The following S100A16 variants were observed in gnomAD, a reference collection of about 807,000 sequenced individuals.
S100A16 encodes the protein S100 calcium binding protein A16.
In S100A16, 8 loss-of-function variants were observed where a neutral mutation model predicts 9.0. That is an observed-to-expected ratio of 0.89 (90% CI 0.52 to 1.60). S100A16 has a LOEUF of 1.60. Ranked by LOEUF, S100A16 falls within the 40% of genes most tolerant of loss-of-function variation. S100A16 has a pLI of 0.00. For synonymous variants in S100A16, 51 were observed against 51.4 expected, an observed-to-expected ratio of 0.99 and a Z score of 0.04; for missense variants, 138 against 132.4, an observed-to-expected ratio of 1.04 and a Z score of -0.21.
chr1:153,608,593 A>G (rs1022407691), intron 1 of S100A16, among the ~76,000 whole-genome samples: 1 of 151,884 alleles, frequency 6.6e-6, no homozygotes, highest in African/African-American at 2.4e-5. Context: ...GGGATGAGCC[A>G]TGGAGGTTAG....
In S100A16 at chr1:153,607,098, CTG is replaced by C; in HGVS notation, c.*434_*435del. 2.3e-6 allele frequency: 1 copy of C among 440,144 alleles called. No individual in the cohort carries two copies. Among genetic ancestry groups the C allele is most frequent in the Non-Finnish European group, 4.5e-6 (1 of 220,152 alleles). The allele number at this position is 440,144 out of a possible 1,614,324, so 27.3% of individuals were successfully genotyped here. ...CTAAGGGAAAGTGGAGAGGTCTCTGCTGCTGCTGCTGCTGCTGCTGCTGCTGT... is the reference window on the plus strand; with the variant it reads ...CTAAGGGAAAGTGGAGAGGTCTCTGCCTGCTGCTGCTGCTGCTGCTGCTGT... On this transcript the variant is annotated 3_prime_UTR_variant, in exon 3 of 3. Transcript: ENST00000368706.
At position 153,607,149 on chromosome 1, in the gene S100A16, G is replaced by T; in HGVS notation, c.*385C>A. The T allele has an allele frequency of 2.2e-6, 1 of 452,054 alleles. No individual in the cohort carries two copies. The allele number at this position is 452,054 out of a possible 1,614,324, so 28.0% of individuals were successfully genotyped here. On this transcript the variant is annotated 3_prime_UTR_variant, in exon 3 of 3. Transcript: ENST00000368706. ...GTTGCTGCTACCACTGCCACCAAGA[G>T]CAGGGAGACCTCAAGCACCAAGCTG...
At chr1:153,610,273 T>G (rs1238100382) in intron 1 of S100A16, among the ~76,000 whole-genome samples, 1 of 152,118 alleles carries the variant, frequency 6.6e-6, no homozygotes, top group Non-Finnish European at 1.5e-5. Context: ...GGGAAGATAA[T>G]TCAGAGAAAC....
intron 1 of S100A16, among the ~76,000 whole-genome samples, chr1:153,608,645 C>A (rs1321144851): frequency 6.6e-6 from 1 of 152,120 alleles, no homozygotes; most frequent in East Asian, 1.9e-4. Context: ...CTGGCTGAGA[C>A]CCCAGCCCCA....
At chr1:153,611,079 A>G (rs1666825189) in intron 1 of S100A16, among the ~76,000 whole-genome samples, 1 of 150,762 alleles carries the variant, frequency 6.6e-6, no homozygotes. Flanking sequence ...GCCCTACCCC[A>G]ATGTTCTCAT....
In S100A16 at chr1:153,607,005, G is replaced by A. The variant is rs2101505993; in HGVS notation, c.*529C>T. 3.4e-6 allele frequency: 1 copy of A among 298,154 alleles called. No individual in the cohort carries two copies. The highest frequency in any genetic ancestry group is 6.7e-6 in the Non-Finnish European group (1 of 148,598). 18.5% of individuals were successfully genotyped at this position (298,154 alleles called of 1,614,324 possible). On this transcript the variant is annotated 3_prime_UTR_variant, in exon 3 of 3. Transcript: ENST00000368706. ...ACAGGAGGAGGCTCAGCCTTGCTTA[G>A]CTCATTCCCAGATGAAGAGGCAGCT...
intron 2 of S100A16, 124 bp downstream of exon 2, chr1:153,607,875 C>A (rs1298778157): frequency 1.6e-6 from 2 of 1,213,992 alleles, no homozygotes; most frequent in Non-Finnish European, 2.3e-6. Context: ...TGTAGAAGAC[C>A]CTGGAGTTAG....
rs1571266230 is a variant in S100A16 at position 153,607,389 on chromosome 1, C to T, written c.*145G>A. ...TAGACTGAGACACTCACAAAGGGAC[C>T]CCAGTTCAGCAAGGGTCAGAGGAAG... On this transcript the variant is annotated 3_prime_UTR_variant, in exon 3 of 3. Transcript: ENST00000368706. The T allele has an allele frequency of 1.1e-6, 1 of 916,368 alleles. No individual in the cohort carries two copies. Among genetic ancestry groups the T allele is most frequent in the Non-Finnish European group, 1.7e-6 (1 of 605,188 alleles). The allele number at this position is 916,368 out of a possible 1,614,324, so 56.8% of individuals were successfully genotyped here. A position where few individuals can be genotyped will look rare whatever the true frequency, so the allele number is the denominator to read the frequency against.
At chr1:153,610,248 C>T (rs557845510) in intron 1 of S100A16, among the ~76,000 whole-genome samples, 5 of 152,170 alleles carry the variant, frequency 3.3e-5, no homozygotes, top group African/African-American at 1.2e-4. Context: ...CCACTCCCAA[C>T]CAAGACTTGG....
chr1:153,609,614 G>A (rs147888934), intron 1 of S100A16, among the ~76,000 whole-genome samples: 16 of 152,258 alleles, frequency 1.1e-4, no homozygotes, highest in Admixed American at 5.9e-4. Context: ...ACCAAGCGGC[G>A]GGACTCAGAC....
intron 1 of S100A16, among the ~76,000 whole-genome samples, chr1:153,610,922 G>A (rs982775787): frequency 2.0e-5 from 3 of 151,912 alleles, no homozygotes; most frequent in Non-Finnish European, 4.4e-5. Context: ...CCGCTTCCTA[G>A]AAAGGTCAAG....
chr1:153,608,071 G>A lies in S100A16; in HGVS notation c.81C>T (p.Ser27=). Residue 27 remains serine, a synonymous_variant, in exon 2 of 3, where the codon AGC becomes AGT. Coordinates refer to ENST00000368706, the MANE Select transcript of S100A16 (RefSeq NM_080388.3). The part of the protein sequence containing the change: ...ENFYKYVSKY[S]LVKNKISKSS... The stretch of plus-strand genomic sequence containing the variant: ...TCTTGCTGATCTTGTTCTTGACCAG[G>A]CTGTACTTAGACACATATTTGTAGA... 6.2e-7 allele frequency: 1 copy of A among 1,614,052 alleles called. No homozygotes were observed.
At chr1:153,608,342 C>G (rs979767540) in intron 1 of S100A16, 165 bp from the exon 2 acceptor site, 4 of 619,174 alleles carry the variant, frequency 6.5e-6, no homozygotes, top group Non-Finnish European at 1.1e-5. Flanking sequence ...GAGAGTGAGC[C>G]CTGGAATGAG....
intron 1 of S100A16, chr1:153,608,422 C>T (rs1666752183): frequency 2.2e-6 from 1 of 452,954 alleles, no homozygotes. Context: ...AGGCCCTGCC[C>T]CAGCCCCAGG....
chr1:153,609,383 A>G (rs1666784812), intron 1 of S100A16: 1 of 985,684 alleles, frequency 1.0e-6, no homozygotes, highest in Admixed American at 6.2e-5. Context: ...CAGCCTGCCA[A>G]TCACTCTCGC....
At position 153,607,691 on chromosome 1, in the gene S100A16, T is replaced by C. The variant is rs1250459099; in HGVS notation, c.155A>G (p.Asp52Gly). Residue 52 changes from aspartate (D) to glycine (G), a missense_variant and splice_region_variant, in exon 3 of 3, where the codon GAC becomes GGC. Physicochemically the swap from Asp to Gly is moderately conservative, Grantham distance 94 (BLOSUM62 -1). Coordinates refer to ENST00000368706, the MANE Select transcript of S100A16 (RefSeq NM_080388.3). ...LQKELNHMLS[D>G]TGNRKAADKL... ...ATCCGCAGCCTTCCGGTTCCCTGTG[T>C]CCTGGGGAGGAAGCAGGGTCAGCAA... The C allele has an allele frequency of 6.8e-6, 11 of 1,614,010 alleles. No individual in the cohort carries two copies. Among genetic ancestry groups the C allele is most frequent in the Non-Finnish European group, 9.3e-6 (11 of 1,179,996 alleles).
rs749554743 is a variant in S100A16 at position 153,607,657 on chromosome 1, G to C, written c.189C>G (p.Ile63Met). The change falls in exon 3 of 3, where the codon ATC becomes ATG. Residue 63 changes from isoleucine (I) to methionine (M), a missense_variant. Physicochemically the swap from Ile to Met is conservative, Grantham distance 10. Transcript: ENST00000368706. ...TGNRKAADKL[I>M]QNLDANHDGR... ...CATCATGATTGGCATCCAGGTTCTGGATGAGCTTATCCGCAGCCTTCCGGT... is the reference window on the plus strand; with the variant it reads ...CATCATGATTGGCATCCAGGTTCTGCATGAGCTTATCCGCAGCCTTCCGGT... 6.2e-7 allele frequency: 1 copy of C among 1,614,190 alleles called. No homozygotes were observed. Among genetic ancestry groups the C allele is most frequent in the Admixed American group, 1.7e-5 (1 of 60,026 alleles).
rs749518324 is a variant in S100A16, at chr1:153,607,094, TCTGCTGCTGCTGCTG to T, written c.*425_*439del. ...GGGGCTAAGGGAAAGTGGAGAGGTC[TCTGCTGCTGCTGCTG>T]CTGCTGCTGCTGCTGTTGCTGCTAC... On this transcript the variant is annotated 3_prime_UTR_variant, in exon 3 of 3. Transcript: ENST00000368706. The T allele has an allele frequency of 1.4e-5, 6 of 440,804 alleles. No individual in the cohort carries two copies. Among genetic ancestry groups the T allele is most frequent in the South Asian group, 8.1e-5 (5 of 61,582 alleles). The allele number at this position is 440,804 out of a possible 1,614,324, so 27.3% of individuals were successfully genotyped here.
chr1:153,608,930 A>G, intron 1 of S100A16: 2 of 985,980 alleles, frequency 2.0e-6, no homozygotes, highest in Non-Finnish European at 2.4e-6. Context: ...GTTACAGCCC[A>G]GCTGGAGTCG....
Sources: gnomAD v4.1 joint callset for allele counts (sites outside exome capture counted in the v4.1 genomes callset) on GRCh38, gnomAD v4.1.1 for gene constraint, MANE v1.5 for transcripts, NCBI Gene and HGNC (gene_info 2026-07-23, HGNC 2026-07-21) for gene names.